The following PLXNA3 variants were observed in gnomAD, a reference collection of about 807,000 sequenced individuals.
PLXNA3 encodes the protein plexin A3.
In PLXNA3, 52 loss-of-function variants were observed where a neutral mutation model predicts 118.8. The observed-to-expected ratio is 0.44, with a 90% CI of 0.35 to 0.55. The LOEUF (loss-of-function observed/expected upper bound fraction) is 0.55. PLXNA3 is among the 20% of genes least tolerant of loss of function. The pLI, the probability that PLXNA3 is intolerant of heterozygous loss-of-function variation, is 0.01. For missense variants in PLXNA3, 1,660 were observed against 1,730.8 expected (o/e 0.96, Z 0.73); for synonymous variants, 925 against 762.4 (o/e 1.21, Z -3.51).
chrX:154,472,819 A>T lies in PLXNA3; in HGVS notation c.*134A>T. 1 of 479,223 alleles carries T rather than the reference A, an allele frequency of 2.1e-6. No homozygotes were observed. The highest frequency in any genetic ancestry group is 3.6e-5 in the East Asian group (1 of 27,576). 39.5% of individuals were successfully genotyped at this position (479,223 alleles called of 1,213,427 possible). On this transcript the variant is annotated 3_prime_UTR_variant, in exon 33 of 33. Coordinates refer to ENST00000369682, the MANE Select transcript of PLXNA3 (RefSeq NM_017514.5). ...CGTGGGGCAGGTCACCCTGGCCACG[A>T]TGCCCCCGGCACACCCAGGCCCCCT...
In PLXNA3 at chrX:154,460,252, C is replaced by T. The variant is rs1557203210; in HGVS notation, c.69C>T (p.Phe23=). 8.3e-7 allele frequency: 1 copy of T among 1,210,003 alleles called. No homozygotes were observed. The highest frequency in any genetic ancestry group is 1.8e-5 in the South Asian group (1 of 56,997). The change falls in exon 2 of 33, where the codon TTC becomes TTT. Residue 23 remains phenylalanine, a synonymous_variant. Coordinates refer to ENST00000369682, the MANE Select transcript of PLXNA3 (RefSeq NM_017514.5). ...GGGGGGCCCTGGGCAACAGGCCCTT[C>T]CGTGCCTTCGTGGTGACAGACACCA... ...AVGGALGNRP[F]RAFVVTDTTL...
Position 154,471,622 on chromosome X carries a change from C to G in PLXNA3, c.5504C>G (p.Thr1835Ser), listed in dbSNP as rs781972979. The G allele has an allele frequency of 7.5e-6, 9 of 1,205,688 alleles. No homozygotes were observed. In the South Asian group the frequency reaches 1.2e-4, roughly 17 times the overall value. ...CTCAACGAGCTGTATTTCTATGTCA[C>G]CAAGTACCGCCAGGAGGTGTGTGTC... Reference protein sequence around the residue: ...SALNELYFYVTKYRQEILTAL... With the variant: ...SALNELYFYVSKYRQEILTAL... Residue 1835 changes from threonine to serine, a missense_variant, in exon 32 of 33, where the codon ACC becomes AGC. By Grantham distance (58) the Thr-to-Ser change is moderately conservative (BLOSUM62 1). This residue lies in a region of PLXNA3 where 869 missense variants were observed against 1,078.7 expected (regional missense o/e 0.81). Coordinates refer to ENST00000369682, the MANE Select transcript of PLXNA3 (RefSeq NM_017514.5).
rs966378180 is a variant in PLXNA3 at position 154,470,552 on chromosome X, G to A, written c.5097G>A (p.Glu1699=). 2.5e-6 allele frequency: 3 copies of A among 1,211,689 alleles called. No individual in the cohort carries two copies. The Admixed American group carries it at 6.5e-5, about 26-fold the overall frequency. ...AGTACATGTTCGACTTCCTGGATGAGCAGGCGGACCAGCGCCAGATCAGCG... is the reference window on the plus strand; with the variant it reads ...AGTACATGTTCGACTTCCTGGATGAACAGGCGGACCAGCGCCAGATCAGCG... ...AIKYMFDFLD[E]QADQRQISDP... is the part of the protein sequence containing the mutation. Residue 1699 remains glutamate, a synonymous_variant, in exon 30 of 33, where the codon GAG becomes GAA. Coordinates refer to ENST00000369682, the MANE Select transcript of PLXNA3 (RefSeq NM_017514.5).
At position 154,469,554 on chromosome X, in the gene PLXNA3, C is replaced by T. The variant is rs782817891; in HGVS notation, c.4698+72C>T. 18 of 995,209 alleles carry T rather than the reference C, an allele frequency of 1.8e-5. No homozygotes were observed. In the South Asian group the frequency reaches 3.4e-4, roughly 19 times the overall value. 82.0% of individuals were successfully genotyped at this position (995,209 alleles called of 1,213,427 possible). A position where few individuals can be genotyped will look rare whatever the true frequency, so the allele number is the denominator to read the frequency against. On this transcript the variant is annotated intron_variant, in intron 27 of 32. Transcript: ENST00000369682. The stretch of plus-strand genomic sequence containing the variant: ...GACCCTGCCTTGAGCTGCAGCAGGA[C>T]ACGGGAGCAGTGGCCCTGGCTCCCC...
At chrX:154,460,056 C>T (rs2068914360) in intron 1 of PLXNA3, 101 bp from the exon 2 acceptor site, 2 of 480,818 alleles carry the variant, frequency 4.2e-6, no homozygotes, top group Admixed American at 7.0e-5. Context: ...CTCCTCTCTC[C>T]CTGTCACGGT....
At chrX:154,465,304 G>T (rs1029936812) in intron 11 of PLXNA3, 86 bp downstream of exon 11, 11 of 1,054,248 alleles carry the variant, frequency 1.0e-5, no homozygotes, top group Non-Finnish European at 1.4e-5. Context: ...TCTCTGGCAG[G>T]GAACTGTCTG....
rs1557205710 is a variant in PLXNA3 at position 154,463,693 on chromosome X, G to A, written c.1547+3G>A. The stretch of plus-strand genomic sequence containing the variant: ...GGTTGGTGTGTGCTGCGACACAGGT[G>A]AGGGCGGGGACCCCTGCTCGGGGAG... On this transcript the variant is annotated splice_donor_region_variant and intron_variant, in intron 6 of 32. Coordinates refer to ENST00000369682, the MANE Select transcript of PLXNA3 (RefSeq NM_017514.5). 1 of 1,185,503 alleles carries A rather than the reference G, an allele frequency of 8.4e-7. No individual in the cohort carries two copies.
intron 1 of PLXNA3, 150 bp from the exon 2 acceptor site, chrX:154,460,007 C>G (rs2068912803): frequency 4.6e-6 from 2 of 431,400 alleles, no homozygotes; most frequent in Non-Finnish European, 8.0e-6. Context: ...CCAAGCCTGC[C>G]CTCGCTGGCT....
At chrX:154,460,064 G>A (rs903589943) in intron 1 of PLXNA3, 93 bp from the exon 2 acceptor site, 13 of 492,763 alleles carry the variant, frequency 2.6e-5, no homozygotes, top group Non-Finnish European at 4.1e-5. Flanking sequence ...TCCCTGTCAC[G>A]GTGGCCATCT....
rs1557207399 is a variant in PLXNA3, at chrX:154,467,081, T to A, written c.3132T>A (p.Ser1044Arg). Residue 1044 changes from serine to arginine, a missense_variant, in exon 18 of 33, where the codon AGT (serine) becomes AGA (arginine). Around this residue, in one of 2 missense-constraint regions of PLXNA3, gnomAD observed 869 missense variants for 1,078.7 expected, o/e 0.81. Coordinates refer to ENST00000369682, the MANE Select transcript of PLXNA3 (RefSeq NM_017514.5). ...GTGGAAGCACTGCCATCACTGTGAG[T>A]GGGACCCACCTGCTGACGGTCCAGG... ...IINGSTAITV[S>R]GTHLLTVQEP... 1.7e-6 allele frequency: 2 copies of A among 1,209,785 alleles called. No homozygotes were observed. The highest frequency in any genetic ancestry group is 3.5e-5 in the South Asian group (2 of 56,968).
chrX:154,470,937 A>G, intron 30 of PLXNA3, 168 bp from the exon 31 acceptor site: 1 of 460,180 alleles, frequency 2.2e-6, no homozygotes, highest in Admixed American at 3.9e-5. Context: ...TATTGAGAAC[A>G]GAAGTTCAGC....
At position 154,467,155 on chromosome X, in the gene PLXNA3, G is replaced by A; in HGVS notation, c.3201+5G>A. 8.3e-7 allele frequency: 1 copy of A among 1,209,191 alleles called. No individual in the cohort carries two copies. Among genetic ancestry groups the A allele is most frequent in the Non-Finnish European group, 1.1e-6 (1 of 893,768 alleles). ...CGCGGCATTGAGACCACCAATGTGAGTACCAGCTGCCCCGCCCCACCCCGA... is the reference window on the plus strand; with the variant it reads ...CGCGGCATTGAGACCACCAATGTGAATACCAGCTGCCCCGCCCCACCCCGA... On this transcript the variant is annotated splice_donor_5th_base_variant and intron_variant, in intron 18 of 32. Transcript: ENST00000369682.
chrX:154,460,921 C>A, intron 2 of PLXNA3, 144 bp downstream of exon 2: 1 of 620,801 alleles, frequency 1.6e-6, no homozygotes, highest in African/African-American at 2.2e-5. Context: ...ACAGCCTGAA[C>A]CCAGGTTGCG....
chrX:154,459,284 T>C (rs2068895922), intron 1 of PLXNA3, among the ~76,000 whole-genome samples: 1 of 110,610 alleles, frequency 9.0e-6, no homozygotes, highest in Non-Finnish European at 1.9e-5. Flanking sequence ...TCTGCTGTCT[T>C]AGCAGCCTGG....
At position 154,460,037 on chromosome X, in the gene PLXNA3, C is replaced by T. The variant is rs188301430; in HGVS notation, c.-27-120C>T. 1.3e-3 allele frequency: 571 copies of T among 449,561 alleles called. 1 individual carries two copies. The highest frequency in any genetic ancestry group is 0.011 in the African/African-American group (437 of 40,947). 37.0% of individuals were successfully genotyped at this position (449,561 alleles called of 1,213,427 possible). On this transcript the variant is annotated intron_variant, in intron 1 of 32. Coordinates refer to ENST00000369682, the MANE Select transcript of PLXNA3 (RefSeq NM_017514.5). Reference sequence around the variant, plus strand: ...CTGGCTGCTCACTCATGCGCCCTGGCGGAGGCCCCTCCTCTCTCCCTGTCA... The same window carrying T: ...CTGGCTGCTCACTCATGCGCCCTGGTGGAGGCCCCTCCTCTCTCCCTGTCA...
Position 154,472,767 on chromosome X carries a change from C to A in PLXNA3, c.*82C>A. On this transcript the variant is annotated 3_prime_UTR_variant, in exon 33 of 33. Transcript: ENST00000369682. Reference sequence around the variant, plus strand: ...GGGAGTGGCTGGCTCAAGCCTGGGTCCCCGGGCTGAGCCCTGGATTGGGTA... The same window carrying A: ...GGGAGTGGCTGGCTCAAGCCTGGGTACCCGGGCTGAGCCCTGGATTGGGTA... The A allele has an allele frequency of 4.1e-6, 3 of 733,538 alleles. No individual in the cohort carries two copies. Among genetic ancestry groups the A allele is most frequent in the Non-Finnish European group, 4.3e-6 (2 of 468,526 alleles). 60.5% of individuals were successfully genotyped at this position (733,538 alleles called of 1,213,427 possible).
intron 28 of PLXNA3, 31 bp from the exon 29 acceptor site, chrX:154,469,946 G>A (rs782033128): frequency 8.3e-7 from 1 of 1,198,858 alleles, no homozygotes; most frequent in South Asian, 1.8e-5. Context: ...CCAGGTGGTG[G>A]CCTAAGGGTC....
rs1056949967 is a variant in PLXNA3 at position 154,476,145 on chromosome X, A to C, written c.*3460A>C. ...GACAGAGCCAGACCCTGTATCAAAA[A>C]AAATAATAATAATTAAAAAACAAAA... On this transcript the variant is annotated 3_prime_UTR_variant, in exon 33 of 33. Coordinates refer to ENST00000369682, the MANE Select transcript of PLXNA3 (RefSeq NM_017514.5). 8.9e-6 allele frequency: 1 copy of C among 111,870 alleles called. No homozygotes were observed. The highest frequency in any genetic ancestry group is 1.9e-5 in the Non-Finnish European group (1 of 53,137). 9.2% of individuals were successfully genotyped at this position (111,870 alleles called of 1,213,427 possible).
intron 27 of PLXNA3, 79 bp downstream of exon 27, chrX:154,469,561 G>A: frequency 1.0e-6 from 1 of 971,027 alleles, no homozygotes; most frequent in Non-Finnish European, 1.5e-6. Context: ...GGACACGGGA[G>A]CAGTGGCCCT....
Sources: gnomAD v4.1 joint callset for allele counts (sites outside exome capture counted in the v4.1 genomes callset) on GRCh38, gnomAD v4.1.1 for gene constraint, gnomAD v4.1.1 regional missense constraint, MANE v1.5 for transcripts, NCBI Gene and HGNC (gene_info 2026-07-23, HGNC 2026-07-21) for gene names.